The following SGTB variants were observed in gnomAD, a reference collection of about 807,000 sequenced individuals.
SGTB encodes the protein small glutamine rich tetratricopeptide repeat co-chaperone beta.
SGTB carries 19 observed loss-of-function variants against 43.9 expected under a neutral mutation model. The ratio of observed to expected loss-of-function variants is 0.43; its 90% confidence interval spans 0.30 to 0.63. The LOEUF is 0.63. Among genes scored for constraint, SGTB ranks in the 30% least tolerant of loss-of-function variants. SGTB has a pLI of 0.12. For missense variants in SGTB, 304 were observed against 358.9 expected (o/e 0.85, Z 1.24); for synonymous variants, 116 against 117.3 (o/e 0.99, Z 0.07).
intron 4 of SGTB, among the ~76,000 whole-genome samples, chr5:65,706,274 G>C (rs6867090): frequency 0.017 from 2,627 of 152,208 alleles, 75 homozygotes; most frequent in African/African-American, 0.06. Flanking sequence ...GAAACAAAAA[G>C]TTTATATTAG....
At chr5:65,680,830 G>A (rs745469694) in intron 6 of SGTB, 36 bp from the exon 7 acceptor site, 9 of 1,594,254 alleles carry the variant, frequency 5.6e-6, no homozygotes, top group Non-Finnish European at 5.1e-6. Context: ...TCAGATATAT[G>A]ATTAAAGAAC....
chr5:65,704,300 T>C lies in SGTB; in HGVS notation c.353A>G (p.Asn118Ser). The change falls in exon 5 of 11, where the codon AAT (asparagine) becomes AGT (serine). Residue 118 changes from asparagine to serine, a missense_variant. Asn to Ser is a conservative substitution (Grantham distance 46). Transcript: ENST00000381007. ...YTQAIELDPN[N>S]AVYYCNRAAA... The stretch of plus-strand genomic sequence containing the variant: ...TTACCTGTTGCAATAGTAAACTGCA[T>C]TATTGGGATCCAATTCTATTGCCTG... 1 of 1,611,814 alleles carries C rather than the reference T, an allele frequency of 6.2e-7. No individual in the cohort carries two copies. The highest frequency in any genetic ancestry group is 8.5e-7 in the Non-Finnish European group (1 of 1,178,952).
intron 6 of SGTB, among the ~76,000 whole-genome samples, chr5:65,681,716 A>T (rs1409265145): frequency 6.6e-6 from 1 of 152,098 alleles, no homozygotes; most frequent in East Asian, 1.9e-4. Flanking sequence ...CCACGTCTCT[A>T]ATCCCAGCAG....
At chr5:65,700,465 G>A (rs796553925) in intron 5 of SGTB, among the ~76,000 whole-genome samples, 25 of 151,558 alleles carry the variant, frequency 1.6e-4, no homozygotes, top group African/African-American at 6.0e-4. Context: ...TCAGGAGATC[G>A]AGACCATCCT....
At chr5:65,714,543 G>A (rs535588802) in intron 2 of SGTB, among the ~76,000 whole-genome samples, 8 of 152,308 alleles carry the variant, frequency 5.3e-5, no homozygotes, top group Non-Finnish European at 7.4e-5. Flanking sequence ...GGCCAGGTTC[G>A]GTGGCTCACG....
At chr5:65,683,009 CTTTA>C (rs557279379) in intron 6 of SGTB, among the ~76,000 whole-genome samples, 1 of 151,826 alleles carries the variant, frequency 6.6e-6, no homozygotes, top group Non-Finnish European at 1.5e-5. Context: ...ATTAAAGAAA[CTTTA>C]TTTAATATAT....
intron 5 of SGTB, among the ~76,000 whole-genome samples, chr5:65,703,572 A>G (rs1757863870): frequency 6.6e-6 from 1 of 151,986 alleles, no homozygotes; most frequent in Non-Finnish European, 1.5e-5. Flanking sequence ...TACAAAAATT[A>G]GCCAGGCATG....
chr5:65,689,779 G>C (rs154626), intron 5 of SGTB, among the ~76,000 whole-genome samples: 49,762 of 151,938 alleles, frequency 0.33, 8,487 homozygotes, highest in Non-Finnish European at 0.37. Flanking sequence ...ATAGAGAAAA[G>C]GTGGTTTTAG....
intron 3 of SGTB, among the ~76,000 whole-genome samples, chr5:65,710,800 C>G (rs1044472843): frequency 1.6e-4 from 25 of 151,882 alleles, no homozygotes; most frequent in African/African-American, 6.0e-4. Flanking sequence ...CACCAGCCTG[C>G]CCAAGATGGG....
chr5:65,722,414 G>A (rs1325064802), upstream of SGTB: 2 of 1,588,858 alleles, frequency 1.3e-6, no homozygotes, highest in Non-Finnish European at 1.7e-6. Flanking sequence ...AGCCTCCGCA[G>A]GTACCTCCAG....
At chr5:65,706,479 ATATAC>A (rs1167229167) in intron 4 of SGTB, among the ~76,000 whole-genome samples, 3 of 152,202 alleles carry the variant, frequency 2.0e-5, no homozygotes, top group African/African-American at 4.8e-5. Flanking sequence ...TTATACACAT[ATATAC>A]TATAAGTTAA....
intron 1 of SGTB, among the ~76,000 whole-genome samples, chr5:65,721,696 C>T (rs1453411328): frequency 6.6e-6 from 1 of 152,178 alleles, no homozygotes; most frequent in African/African-American, 2.4e-5. Context: ...AATAAGGCCC[C>T]AGGGCAGAAG....
At chr5:65,721,567 T>A (rs1177295836) in intron 1 of SGTB, among the ~76,000 whole-genome samples, 1 of 152,158 alleles carries the variant, frequency 6.6e-6, no homozygotes, top group Non-Finnish European at 1.5e-5. Context: ...ATCATCCATC[T>A]GCTCCCCAGG....
intron 3 of SGTB, among the ~76,000 whole-genome samples, chr5:65,708,933 T>C (rs948029189): frequency 6.6e-6 from 1 of 151,866 alleles, no homozygotes; most frequent in East Asian, 1.9e-4. Context: ...CCCAGCTACT[T>C]GGGAGGCTGA....
chr5:65,672,412 T>C, intron 8 of SGTB, 131 bp from the exon 9 acceptor site: 1 of 1,119,428 alleles, frequency 8.9e-7, no homozygotes, highest in South Asian at 1.4e-5. Flanking sequence ...CAGTGTGCTA[T>C]GCAAAGTAAA....
chr5:65,674,141 CA>C (rs1287218560), intron 8 of SGTB, among the ~76,000 whole-genome samples: 7 of 152,262 alleles, frequency 4.6e-5, no homozygotes, highest in African/African-American at 1.4e-4. Context: ...GCAAGGTATT[CA>C]AAAACTACTG....
chr5:65,711,856 T>C (rs73763190), intron 3 of SGTB, among the ~76,000 whole-genome samples: 3,595 of 152,236 alleles, frequency 0.024, 134 homozygotes, highest in African/African-American at 0.081. Flanking sequence ...GTGTGTAAGA[T>C]ATGTTTCAGC....
Position 65,704,045 on chromosome 5 carries a change from A to AAAAAAT in SGTB, c.374+233_374+234insATTTTT, listed in dbSNP as rs1554025697. Among the ~76,000 whole-genome samples, 26 of 125,296 alleles carry AAAAAAT rather than the reference A, an allele frequency of 2.1e-4. 1 individual carries two copies. In the East Asian group the frequency reaches 2.6e-3, roughly 12 times the overall value. The allele number at this position is 125,296 out of a possible 152,430, so 82.2% of individuals were successfully genotyped here. On this transcript the variant is annotated intron_variant, in intron 5 of 10. Coordinates refer to ENST00000381007, the MANE Select transcript of SGTB (RefSeq NM_019072.3). ...AGTGAGACTCCGTCTCAAAAAAAAAAAAAAAAATAAATAAATAAATAAATA... is the reference window on the plus strand; with the variant it reads ...AGTGAGACTCCGTCTCAAAAAAAAAAAAAAATAAAAAAATAAATAAATAAATAAATA...
In SGTB at chr5:65,707,743, T is replaced by C. The variant is rs533799457; in HGVS notation, c.274+746A>G. 1.2e-4 allele frequency among the ~76,000 whole-genome samples: 18 copies of C among 152,172 alleles called. No homozygotes were observed. In the East Asian group the frequency reaches 2.3e-3, roughly 20 times the overall value. On this transcript the variant is annotated intron_variant, in intron 4 of 10. Coordinates refer to ENST00000381007, the MANE Select transcript of SGTB (RefSeq NM_019072.3). ...CCACCGTGCCCGGCCATGATATATA[T>C]TTTTTTAACTCAACTGCCTTCTTCA...
Sources: allele counts gnomAD v4.1 joint callset (sites outside exome capture counted in the v4.1 genomes callset), GRCh38; gene constraint gnomAD v4.1.1; transcripts MANE v1.5; gene names NCBI Gene and HGNC (gene_info 2026-07-23, HGNC 2026-07-21).